The following CTU2 variants were observed in gnomAD, a reference collection of about 807,000 sequenced individuals.
The protein encoded by CTU2 is cytosolic thiouridylase subunit 2.
CTU2 carries 80 observed loss-of-function variants against 64.1 expected under a neutral mutation model. The ratio of observed to expected loss-of-function variants is 1.25; its 90% confidence interval spans 1.04 to 1.50. The LOEUF (loss-of-function observed/expected upper bound fraction) is 1.50. Ranked by LOEUF, CTU2 falls within the 40% of genes most tolerant of loss-of-function variation. The pLI is 0.00. For synonymous variants in CTU2, 482 were observed against 285.3 expected (o/e 1.69, Z -6.95); for missense variants, 1,110 against 690.2 (o/e 1.61, Z -6.81).
intron 8 of CTU2, 88 bp downstream of exon 8, chr16:88,713,535 G>C: frequency 2.8e-6 from 4 of 1,435,074 alleles, no homozygotes; most frequent in South Asian, 2.5e-5. Flanking sequence ...TCGCGTATCA[G>C]TCCTGCGGCC....
chr16:88,713,279 C>T (rs560102570), intron 7 of CTU2, 33 bp from the exon 8 acceptor site: 2 of 1,548,398 alleles, frequency 1.3e-6, no homozygotes, highest in Admixed American at 1.9e-5. Flanking sequence ...GGGTCCTGCA[C>T]CCCCCAGGCC....
chr16:88,709,993 C>A lies in CTU2; in HGVS notation c.199C>A (p.Arg67=). The A allele has an allele frequency of 3.1e-6, 5 of 1,613,926 alleles. No homozygotes were observed. Among genetic ancestry groups the A allele is most frequent in the Non-Finnish European group, 4.2e-6 (5 of 1,180,004 alleles). ...HKFRAMLGKN[R]LIFPGEKVLL... ...GTTCAGAGCCATGCTGGGCAAGAAC[C>A]GGCTCATCTTTCCAGGCGAGAAGGT... The change falls in exon 3 of 15, where the codon CGG becomes AGG. Residue 67 remains arginine, a synonymous_variant. Transcript: ENST00000453996.
chr16:88,711,355 G>A (rs1457732645), intron 4 of CTU2, among the ~76,000 whole-genome samples: 1 of 152,124 alleles, frequency 6.6e-6, no homozygotes, highest in Non-Finnish European at 1.5e-5. Flanking sequence ...CCTCTCCTGG[G>A]GCGTTGTTGG....
chr16:88,710,446 A>T (rs2142714412), intron 4 of CTU2, 164 bp downstream of exon 4: 1 of 645,420 alleles, frequency 1.5e-6, no homozygotes, highest in African/African-American at 1.9e-5. Context: ...CAGGTGCACC[A>T]ATCAGGAGCT....
Position 88,710,218 on chromosome 16 carries a change from C to G in CTU2, c.223-5C>G. On this transcript the variant is annotated splice_polypyrimidine_tract_variant and splice_region_variant and intron_variant, in intron 3 of 14. Coordinates refer to ENST00000453996, the MANE Select transcript of CTU2 (RefSeq NM_001012759.3). The stretch of plus-strand genomic sequence containing the variant: ...GTGCCCTGAGTGATGTTTTTTCTCC[C>G]CCAGGTGCTCTTGGCGTGGTCTGGG... 5 of 1,614,038 alleles carry G rather than the reference C, an allele frequency of 3.1e-6. No homozygotes were observed. Among genetic ancestry groups the G allele is most frequent in the Non-Finnish European group, 4.2e-6 (5 of 1,179,980 alleles).
At chr16:88,715,150 G>T (rs2306045) in intron 14 of CTU2, 32 bp from the exon 15 acceptor site, 2 of 1,609,462 alleles carry the variant, frequency 1.2e-6, no homozygotes, top group East Asian at 4.5e-5. Flanking sequence ...AAGGGGCCTC[G>T]GGGCTGGTGC....
At chr16:88,709,780 C>G (rs1911168812) in intron 2 of CTU2, 158 bp from the exon 3 acceptor site, 2 of 694,524 alleles carry the variant, frequency 2.9e-6, no homozygotes, top group Admixed American at 2.3e-5. Flanking sequence ...GAGGGGCCAA[C>G]CCCGCCCCTT....
chr16:88,714,106 T>A, intron 9 of CTU2, 30 bp from the exon 10 acceptor site: 1 of 1,606,666 alleles, frequency 6.2e-7, no homozygotes, highest in Non-Finnish European at 8.5e-7. Context: ...CTCTGGGCTT[T>A]CCCATAGCCT....
chr16:88,706,554 C>G lies in CTU2; in HGVS notation c.24C>G (p.Tyr8Ter). ...CCATGTGTCAGGTGGGCGAGGACTA[C>G]GGGGAGCCGGCGCCTGAGGAGCCGC... MCQVGEDYGEPAPEEPPP... is the reference protein window; with the variant it reads MCQVGED Residue 8 changes from tyrosine to a stop codon, truncating the protein, a stop_gained, in exon 1 of 15, where the codon TAC (tyrosine) becomes TAG (stop). Coordinates refer to ENST00000453996, the MANE Select transcript of CTU2 (RefSeq NM_001012759.3). LOFTEE classifies it high-confidence loss of function. 1.4e-6 allele frequency: 2 copies of G among 1,459,450 alleles called. No homozygotes were observed. The highest frequency in any genetic ancestry group is 1.8e-6 in the Non-Finnish European group (2 of 1,112,682). The allele number at this position is 1,459,450 out of a possible 1,614,324, so 90.4% of individuals were successfully genotyped here.
At position 88,706,505 on chromosome 16, in the gene CTU2, A is replaced by T. The variant is rs1263804647; in HGVS notation, c.-26A>T. On this transcript the variant is annotated 5_prime_UTR_variant, in exon 1 of 15. Coordinates refer to ENST00000453996, the MANE Select transcript of CTU2 (RefSeq NM_001012759.3). ...CGCGCCCTCGCGCTGTCGCCGCCAC[A>T]GTCTGCGACGGGACCCGGCGTGCCC... The T allele has an allele frequency of 5.0e-6, 7 of 1,394,520 alleles. No individual in the cohort carries two copies. Among genetic ancestry groups the T allele is most frequent in the East Asian group, 3.1e-5 (1 of 32,448 alleles). The allele number at this position is 1,394,520 out of a possible 1,614,324, so 86.4% of individuals were successfully genotyped here.
rs140495759 is a variant in CTU2, at chr16:88,714,864, G to A, written c.1357G>A (p.Asp453Asn). 8.9e-4 allele frequency: 1,429 copies of A among 1,612,628 alleles called. 13 individuals are homozygous for A. In the African/African-American group the frequency reaches 0.017, roughly 19 times the overall value. Residue 453 changes from aspartate (D) to asparagine (N), a missense_variant, in exon 13 of 15, where the codon GAC becomes AAC. By Grantham distance (23) the Asp-to-Asn change is conservative. Coordinates refer to ENST00000453996, the MANE Select transcript of CTU2 (RefSeq NM_001012759.3). Reference sequence around the variant, plus strand: ...CAGCCAGCTCTGCTCCCGCAGGGAGGACCCCCAAGCCTGCATTGAGGAGCA... The same window carrying A: ...CAGCCAGCTCTGCTCCCGCAGGGAGAACCCCCAAGCCTGCATTGAGGAGCA... Reference protein sequence around the residue: ...RCGQGACRREDPQACIEEQLC... With the variant: ...RCGQGACRRENPQACIEEQLC...
At chr16:88,714,290 G>C (rs569858310) in intron 10 of CTU2, 63 bp downstream of exon 10, 2 of 1,568,124 alleles carry the variant, frequency 1.3e-6, no homozygotes, top group Non-Finnish European at 8.8e-7. Flanking sequence ...GGGTGTGTGC[G>C]GGTGGTGAGC....
chr16:88,715,249 T>G lies in CTU2; in HGVS notation c.1546T>G (p.Ter516GlyextTer2). 1 of 1,611,382 alleles carries G rather than the reference T, an allele frequency of 6.2e-7. No homozygotes were observed. Among genetic ancestry groups the G allele is most frequent in the Non-Finnish European group, 8.5e-7 (1 of 1,179,808 alleles). Reference sequence around the variant, plus strand: ...CAGTGACGACGAGGCGGGCCAGAGCTGAGCGTGAGGACGTGCTTGCCGGGA... The same window carrying G: ...CAGTGACGACGAGGCGGGCCAGAGCGGAGCGTGAGGACGTGCTTGCCGGGA... ...EDSDDEAGQS[*>G] Residue 516 changes from the stop codon to glycine, a stop_lost, in exon 15 of 15, where the codon TGA becomes GGA. Coordinates refer to ENST00000453996, the MANE Select transcript of CTU2 (RefSeq NM_001012759.3).
At chr16:88,714,040 G>A in intron 9 of CTU2, 96 bp from the exon 10 acceptor site, 4 of 1,257,412 alleles carry the variant, frequency 3.2e-6, no homozygotes, top group Non-Finnish European at 4.6e-6. Flanking sequence ...ATGTGGGCCA[G>A]CAGCGTGGAA....
intron 5 of CTU2, 109 bp from the exon 6 acceptor site, chr16:88,712,165 C>T (rs554554282): frequency 1.5e-4 from 141 of 935,506 alleles, no homozygotes; most frequent in African/African-American, 1.2e-3. Context: ...CAGGAAGCAC[C>T]GCCCTGCGGA....
chr16:88,707,001 G>T (rs1910909186), intron 1 of CTU2, 135 bp from the exon 2 acceptor site: 2 of 787,258 alleles, frequency 2.5e-6, no homozygotes, highest in Admixed American at 2.1e-5. Context: ...CACAAGCCTG[G>T]GTTTGTGTGT....
chr16:88,712,245 C>T, intron 5 of CTU2, 29 bp from the exon 6 acceptor site: 3 of 1,560,336 alleles, frequency 1.9e-6, no homozygotes, highest in Non-Finnish European at 2.6e-6. Flanking sequence ...CCTCTCTGAG[C>T]CCTGACTCTT....
At chr16:88,709,774 G>C in intron 2 of CTU2, 164 bp from the exon 3 acceptor site, 3 of 664,996 alleles carry the variant, frequency 4.5e-6, no homozygotes, top group South Asian at 3.6e-5. Flanking sequence ...CTGCCAGAGG[G>C]GCCAACCCCG....
Position 88,711,937 on chromosome 16 carries a change from G to C in CTU2, c.343+242G>C, listed in dbSNP as rs1254846598. On this transcript the variant is annotated intron_variant, in intron 5 of 14. Coordinates refer to ENST00000453996, the MANE Select transcript of CTU2 (RefSeq NM_001012759.3). ...TCTAAGAACATCCTTAGAAAGTCGG[G>C]GGTGGGAGCAGGAGTGGCGGCTGCC... The C allele has an allele frequency of 8.3e-6, 5 of 603,580 alleles. No homozygotes were observed. In the African/African-American group the frequency reaches 9.3e-5, roughly 11 times the overall value. The allele number at this position is 603,580 out of a possible 1,614,324, so 37.4% of individuals were successfully genotyped here.
Sources: allele counts gnomAD v4.1 joint callset (sites outside exome capture counted in the v4.1 genomes callset), GRCh38; gene constraint gnomAD v4.1.1; transcripts MANE v1.5; gene names NCBI Gene and HGNC (gene_info 2026-07-23, HGNC 2026-07-21).